ASPM: variants seen among roughly 807,000 people sequenced by gnomAD.
The protein encoded by ASPM is assembly factor for spindle microtubules, also known as abnormal spindle-like microcephaly-associated protein.
In ASPM, 256 loss-of-function variants were observed where a neutral mutation model predicts 366.4. The ratio of observed to expected loss-of-function variants is 0.70; its 90% CI spans 0.63 to 0.77. ASPM has a LOEUF of 0.77. Ranked by LOEUF, ASPM falls within the 30% of genes least tolerant of loss-of-function variation. The probability of loss-of-function intolerance (pLI) is 0.00; values close to 1 mark genes in which losing one functional copy is unlikely to be tolerated. For synonymous variants in ASPM, 1,414 were observed against 1,342.9 expected (o/e 1.05, Z -1.16); for missense variants, 4,146 against 4,090.4 (o/e 1.01, Z -0.37).
Position 197,104,623 on chromosome 1 carries a change from T to G in ASPM, c.4628A>C (p.Gln1543Pro). 6.2e-7 allele frequency: 1 copy of G among 1,613,062 alleles called. No homozygotes were observed. The highest frequency in any genetic ancestry group is 8.5e-7 in the Non-Finnish European group (1 of 1,179,408). The stretch of plus-strand genomic sequence containing the variant: ...CAGTCTCCTAAAAGCAGCTTGTAAT[T>G]GAATGGCTGCAGCTCGTTTCTGCAA... ...NYLQKRAAAI[Q>P]LQAAFRRLKA... is the part of the protein sequence containing the mutation. Residue 1543 changes from glutamine to proline, a missense_variant, in exon 18 of 28, where the codon CAA becomes CCA. By Grantham distance (76) the Gln-to-Pro change is moderately conservative (BLOSUM62 -1). Around this residue, in one of 3 missense-constraint regions of ASPM, gnomAD observed 3,624 missense variants for 3,591.7 expected, o/e 1.01. Coordinates refer to ENST00000367409, the MANE Select transcript of ASPM (RefSeq NM_018136.5).
intron 10 of ASPM, 21 bp downstream of exon 10, chr1:197,128,469 A>G: frequency 6.3e-7 from 1 of 1,599,478 alleles, no homozygotes; most frequent in Non-Finnish European, 8.6e-7. Context: ...TAAGCAAAAT[A>G]ATTCTATTTC....
chr1:197,088,333 C>T lies in ASPM; in HGVS notation c.10084G>A (p.Ala3362Thr). Residue 3362 changes from alanine (A) to threonine (T), a missense_variant, in exon 26 of 28, where the codon GCA (alanine) becomes ACA (threonine). Physicochemically the swap from Ala to Thr is moderately conservative, Grantham distance 58. Coordinates refer to ENST00000367409, the MANE Select transcript of ASPM (RefSeq NM_018136.5). ...IYREKPGNKV[A>T]DKGGSIFTKT... ...GTAAAAATGCTTCCGCCTTTGTCTGCAACTTTATTACCAGGCTTTTCTCGG... is the reference window on the plus strand; with the variant it reads ...GTAAAAATGCTTCCGCCTTTGTCTGTAACTTTATTACCAGGCTTTTCTCGG... The T allele has an allele frequency of 1.9e-6, 3 of 1,613,418 alleles. No individual in the cohort carries two copies. The highest frequency in any genetic ancestry group is 2.5e-6 in the Non-Finnish European group (3 of 1,179,690).
intron 17 of ASPM, among the ~76,000 whole-genome samples, chr1:197,106,065 T>A (rs1657400626): frequency 6.6e-6 from 1 of 152,130 alleles, no homozygotes; most frequent in Non-Finnish European, 1.5e-5. Flanking sequence ...TAGAGTAATA[T>A]AGGGACTGGG....
At chr1:197,145,888 T>C (rs1166603402) in intron 1 of ASPM, among the ~76,000 whole-genome samples, 1 of 150,800 alleles carries the variant, frequency 6.6e-6, no homozygotes, top group Non-Finnish European at 1.5e-5. Context: ...CATATATATA[T>C]ACTCACACAC....
intron 9 of ASPM, 22 bp from the exon 10 acceptor site, chr1:197,128,687 A>G (rs1658166713): frequency 1.3e-6 from 2 of 1,552,886 alleles, no homozygotes; most frequent in Non-Finnish European, 1.8e-6. Flanking sequence ...TAAGTTCCAG[A>G]TATTATATTC....
intron 18 of ASPM, 35 bp downstream of exon 18, chr1:197,100,396 T>A: frequency 7.6e-7 from 1 of 1,319,104 alleles, no homozygotes; most frequent in Admixed American, 2.6e-5. Flanking sequence ...AAAGAAAGAC[T>A]CACAGTTTTA....
chr1:197,128,716 T>C lies in ASPM; in HGVS notation c.2761-51A>G, dbSNP rs757754852. On this transcript the variant is annotated intron_variant, in intron 9 of 27. Transcript: ENST00000367409. ...TATATTCCAATATTATAATTTTGCT[T>C]ATAATAAAAACAAATCCTCCAAATC... 8 of 1,438,566 alleles carry C rather than the reference T, an allele frequency of 5.6e-6. No homozygotes were observed. The African/African-American group carries it at 8.6e-5, about 15-fold the overall frequency. The allele number at this position is 1,438,566 out of a possible 1,614,324, so 89.1% of individuals were successfully genotyped here.
Position 197,100,652 on chromosome 1 carries a change from G to T in ASPM, c.8599C>A (p.Gln2867Lys). The T allele has an allele frequency of 6.2e-7, 1 of 1,612,166 alleles. No individual in the cohort carries two copies. Among genetic ancestry groups the T allele is most frequent in the Non-Finnish European group, 8.5e-7 (1 of 1,178,926 alleles). ...VQQKRAAITL[Q>K]HYFRTWQTRK... is the part of the protein sequence containing the mutation. The stretch of plus-strand genomic sequence containing the variant: ...GTTTGCCACGTCCTAAAATAATGCT[G>T]TAAAGTGATAGCAGCTCTTTTCTGC... The change falls in exon 18 of 28, where the codon CAG (glutamine) becomes AAG (lysine). Residue 2867 changes from glutamine to lysine, a missense_variant. Transcript: ENST00000367409.
chr1:197,144,681 A>G (rs1172474083), intron 1 of ASPM, among the ~76,000 whole-genome samples: 1 of 152,166 alleles, frequency 6.6e-6, no homozygotes, highest in African/African-American at 2.4e-5. Flanking sequence ...AACATCCAGA[A>G]AAGTCTGCCA....
At chr1:197,108,340 T>C (rs1657473828) in intron 17 of ASPM, among the ~76,000 whole-genome samples, 2 of 151,992 alleles carry the variant, frequency 1.3e-5, no homozygotes, top group African/African-American at 4.8e-5. Context: ...AAGATTATAC[T>C]TAAAGAAACT....
chr1:197,100,292 G>T, intron 18 of ASPM, 139 bp downstream of exon 18: 1 of 640,076 alleles, frequency 1.6e-6, no homozygotes, highest in Non-Finnish European at 2.6e-6. Context: ...TTTCAAAAAT[G>T]TTCCACTTTG....
At chr1:197,095,881 T>C in intron 19 of ASPM, 117 bp downstream of exon 19, 2 of 963,482 alleles carry the variant, frequency 2.1e-6, no homozygotes, top group Non-Finnish European at 3.0e-6. Flanking sequence ...ACCAACCATA[T>C]AAATTAAGCA....
chr1:197,087,008 AAGAATT>A, intron 26 of ASPM, 36 bp from the exon 27 acceptor site: 1 of 1,555,036 alleles, frequency 6.4e-7, no homozygotes, highest in Non-Finnish European at 8.7e-7. Flanking sequence ...AAAAAGTAAT[AAGAATT>A]AAAATTTTAT....
chr1:197,109,093 T>G (rs1177715545), intron 17 of ASPM, among the ~76,000 whole-genome samples: 2 of 151,072 alleles, frequency 1.3e-5, no homozygotes, highest in African/African-American at 2.4e-5. Context: ...TTTATGAATA[T>G]GCACAATTAT....
chr1:197,105,444 T>C (rs1279904317), intron 17 of ASPM, among the ~76,000 whole-genome samples: 3 of 151,990 alleles, frequency 2.0e-5, no homozygotes, highest in Non-Finnish European at 4.4e-5. Context: ...ATAAGAAACA[T>C]AAGCAAGTTT....
Position 197,091,964 on chromosome 1 carries a change from T to A in ASPM, c.9387A>T (p.Lys3129Asn). Reference sequence around the variant, plus strand: ...TAGCATTCTTCACAGCCAGGTAAAGTTTATAGGCTCTTTGAATTCTAACAG... The same window carrying A: ...TAGCATTCTTCACAGCCAGGTAAAGATTATAGGCTCTTTGAATTCTAACAG... Reference protein sequence around the residue: ...LNAVRIQRAYKLYLAVKNANK... With the variant: ...LNAVRIQRAYNLYLAVKNANK... The change falls in exon 22 of 28, where the codon AAA (lysine) becomes AAT (asparagine). Residue 3129 changes from lysine to asparagine, a missense_variant. This residue lies in a region of ASPM where 3,624 missense variants were observed against 3,591.7 expected (regional missense o/e 1.01). Coordinates refer to ENST00000367409, the MANE Select transcript of ASPM (RefSeq NM_018136.5). 6.2e-7 allele frequency: 1 copy of A among 1,611,756 alleles called. No homozygotes were observed. The highest frequency in any genetic ancestry group is 2.2e-5 in the East Asian group (1 of 44,730).
rs1557947337 is a variant in ASPM at position 197,103,735 on chromosome 1, T to G, written c.5516A>C (p.Asn1839Thr). The G allele has an allele frequency of 6.2e-7, 1 of 1,612,842 alleles. No individual in the cohort carries two copies. Residue 1839 changes from asparagine to threonine, a missense_variant, in exon 18 of 28, where the codon AAT becomes ACT. Around this residue, in one of 3 missense-constraint regions of ASPM, gnomAD observed 3,624 missense variants for 3,591.7 expected, o/e 1.01. Transcript: ENST00000367409. ...LKIQSAFRGYNKRVKYQSVLQ... is the reference protein window; with the variant it reads ...LKIQSAFRGYTKRVKYQSVLQ... ...CACAGATTGATATTTTACCCTTTTA[T>G]TATAGCCTCTAAAAGCAGACTGAAT...
rs772324690 is a variant in ASPM, at chr1:197,142,651, T to A, written c.1601A>T (p.Asn534Ile). Residue 534 changes from asparagine to isoleucine, a missense_variant, in exon 3 of 28, where the codon AAT (asparagine) becomes ATT (isoleucine). Physicochemically the swap from Asn to Ile is moderately radical, Grantham distance 149. Transcript: ENST00000367409. Reference protein sequence around the residue: ...AVGEHEKVINNQKEKEDFHSY... With the variant: ...AVGEHEKVINIQKEKEDFHSY... ...ATGAAAATCTTCTTTTTCCTTTTGATTATTTATTACTTTTTCATGTTCACC... is the reference window on the plus strand; with the variant it reads ...ATGAAAATCTTCTTTTTCCTTTTGAATATTTATTACTTTTTCATGTTCACC... The A allele has an allele frequency of 6.2e-7, 1 of 1,612,012 alleles. No homozygotes were observed. The highest frequency in any genetic ancestry group is 1.3e-5 in the African/African-American group (1 of 74,778).
rs147798744 is a variant in ASPM, at chr1:197,098,008, A to T, written c.8821-1844T>A. Reference sequence around the variant, plus strand: ...TGTATATATATATTTACAAATATATATATATATACACACACACACATCACA... The same window carrying T: ...TGTATATATATATTTACAAATATATTTATATATACACACACACACATCACA... On this transcript the variant is annotated intron_variant, in intron 18 of 27. Transcript: ENST00000367409. 5.9e-3 allele frequency among the ~76,000 whole-genome samples: 891 copies of T among 149,920 alleles called. 15 individuals carry two copies. Among genetic ancestry groups the T allele is most frequent in the African/African-American group, 0.021 (857 of 41,126 alleles).
Sources: allele counts gnomAD v4.1 joint callset (sites outside exome capture counted in the v4.1 genomes callset), GRCh38; gene constraint gnomAD v4.1.1; regional missense constraint gnomAD v4.1.1; transcripts MANE v1.5; gene names NCBI Gene and HGNC (gene_info 2026-07-23, HGNC 2026-07-21).